The following STK32B variants were observed in gnomAD, a reference collection of about 807,000 sequenced individuals.
The protein encoded by STK32B is serine/threonine-protein kinase 32B.
STK32B carries 43 observed loss-of-function variants against 52.6 expected under a neutral mutation model. The observed-to-expected ratio is 0.82, with a 90% CI of 0.64 to 1.05. The LOEUF is 1.05. Among genes scored for constraint, STK32B ranks in the 50% least tolerant of loss-of-function variants. The pLI, the probability that STK32B is intolerant of heterozygous loss-of-function variation, is 0.00. For missense variants in STK32B, 621 were observed against 534.6 expected (o/e 1.16, Z -1.59); for synonymous variants, 238 against 204.3 (o/e 1.17, Z -1.41).
At chr4:5,259,166 C>G (rs1726537773) in intron 3 of STK32B, among the ~76,000 whole-genome samples, 1 of 152,176 alleles carries the variant, frequency 6.6e-6, no homozygotes, top group Non-Finnish European at 1.5e-5. Context: ...CACACCTCCT[C>G]TATTTTTTTC....
intron 3 of STK32B, among the ~76,000 whole-genome samples, chr4:5,181,358 A>ACACACACG (rs1218026555): frequency 6.8e-6 from 1 of 146,378 alleles, no homozygotes; most frequent in African/African-American, 2.5e-5. Context: ...ACACACACAC[A>ACACACACG]CACACACACA....
upstream of STK32B, among the ~76,000 whole-genome samples, chr4:5,049,001 A>G (rs1741668159): frequency 6.6e-6 from 1 of 152,206 alleles, no homozygotes; most frequent in Non-Finnish European, 1.5e-5. Flanking sequence ...CTCAATACAC[A>G]TGCACGCTGT....
intron 3 of STK32B, among the ~76,000 whole-genome samples, chr4:5,185,148 T>A (rs1012930230): frequency 2.6e-5 from 4 of 152,246 alleles, no homozygotes; most frequent in Non-Finnish European, 5.9e-5. Flanking sequence ...ATTCATGTGT[T>A]CGGACTGCAT....
intron 1 of STK32B, among the ~76,000 whole-genome samples, chr4:5,082,575 C>G (rs964823635): frequency 3.9e-5 from 6 of 152,166 alleles, no homozygotes; most frequent in African/African-American, 1.4e-4. Context: ...TATCTATTGC[C>G]TGCTGGAAAT....
At chr4:5,266,215 T>G (rs1281809798) in intron 3 of STK32B, among the ~76,000 whole-genome samples, 1 of 152,212 alleles carries the variant, frequency 6.6e-6, no homozygotes, top group Non-Finnish European at 1.5e-5. Flanking sequence ...TTCGGACACA[T>G]TTTCTTTGTT....
intron 6 of STK32B, among the ~76,000 whole-genome samples, chr4:5,441,464 T>C (rs951100737): frequency 6.7e-6 from 1 of 150,042 alleles, no homozygotes; most frequent in Non-Finnish European, 1.5e-5. Context: ...CCCTTTATCA[T>C]TTTTTATTGC....
chr4:5,373,412 C>T (rs1291486019), intron 4 of STK32B, among the ~76,000 whole-genome samples: 1 of 151,982 alleles, frequency 6.6e-6, no homozygotes, highest in African/African-American at 2.4e-5. Context: ...AGTTTGAGTC[C>T]GAAGGTAGTA....
chr4:5,377,023 G>A (rs1735630091), intron 4 of STK32B, among the ~76,000 whole-genome samples: 1 of 151,918 alleles, frequency 6.6e-6, no homozygotes, highest in Non-Finnish European at 1.5e-5. Flanking sequence ...GGGTCCGACT[G>A]CTACACCCCT....
intron 2 of STK32B, among the ~76,000 whole-genome samples, chr4:5,163,538 CTGTGTGTGTGTGTGTGTG>C (rs3077842): frequency 8.6e-5 from 12 of 139,440 alleles, no homozygotes; most frequent in African/African-American, 1.6e-4. Flanking sequence ...AGAGTGAAGG[CTGTGTGTGTGTGTGTGTG>C]TGTGTGTGTG....
chr4:5,330,502 G>A (rs1171075383), intron 3 of STK32B, among the ~76,000 whole-genome samples: 1 of 152,170 alleles, frequency 6.6e-6, no homozygotes, highest in East Asian at 1.9e-4. Context: ...ATCATCTCAT[G>A]TTCTGTGGGG....
At chr4:5,142,096 T>G (rs1418214159) in intron 2 of STK32B, among the ~76,000 whole-genome samples, 2 of 152,290 alleles carry the variant, frequency 1.3e-5, no homozygotes, top group South Asian at 2.1e-4. Flanking sequence ...GAGGATAGTT[T>G]GGGTGGGCAC....
intron 1 of STK32B, among the ~76,000 whole-genome samples, chr4:5,079,575 T>C (rs1300620211): frequency 6.6e-6 from 1 of 152,136 alleles, no homozygotes; most frequent in Non-Finnish European, 1.5e-5. Flanking sequence ...AAAACTGAAA[T>C]CTTTATCTTC....
chr4:5,132,134 T>TA (rs1715815141), intron 1 of STK32B, among the ~76,000 whole-genome samples: 2 of 152,200 alleles, frequency 1.3e-5, no homozygotes, highest in African/African-American at 4.8e-5. Context: ...GTAGTATTCC[T>TA]TGGTGTATAT....
At chr4:5,366,509 T>C (rs1416192796) in intron 4 of STK32B, among the ~76,000 whole-genome samples, 1 of 152,142 alleles carries the variant, frequency 6.6e-6, no homozygotes, top group East Asian at 1.9e-4. Context: ...TGAGACAAGA[T>C]AACACAGAAG....
intron 3 of STK32B, among the ~76,000 whole-genome samples, chr4:5,271,474 C>G (rs1409902767): frequency 6.6e-6 from 1 of 151,662 alleles, no homozygotes; most frequent in Non-Finnish European, 1.5e-5. Context: ...TTAGGATTGA[C>G]TTGGCGATGC....
At chr4:5,217,174 C>A (rs1473526962) in intron 3 of STK32B, among the ~76,000 whole-genome samples, 1 of 152,152 alleles carries the variant, frequency 6.6e-6, no homozygotes, top group Non-Finnish European at 1.5e-5. Context: ...TTATACAATA[C>A]ATAATTTGAA....
intron 4 of STK32B, among the ~76,000 whole-genome samples, chr4:5,349,691 A>G (rs1004596110): frequency 2.0e-5 from 3 of 152,312 alleles, no homozygotes; most frequent in Middle Eastern, 3.4e-3. Context: ...TATTGACACT[A>G]AAGTTCAGTG....
chr4:5,429,069 C>T (rs1438073741), intron 6 of STK32B, among the ~76,000 whole-genome samples: 1 of 152,200 alleles, frequency 6.6e-6, no homozygotes, highest in Non-Finnish European at 1.5e-5. Flanking sequence ...AGCAATGAGA[C>T]ATCATCAAAC....
In STK32B at chr4:5,242,011, A is replaced by G. The variant is rs548379385; in HGVS notation, c.260+73561A>G. The stretch of plus-strand genomic sequence containing the variant: ...TTTGGGTTGGTTCCAAGTCTTTGCT[A>G]TTGTGAACAGTGCCACAATAAACAT... On this transcript the variant is annotated intron_variant, in intron 3 of 11. Transcript: ENST00000282908. Among the ~76,000 whole-genome samples the G allele has an allele frequency of 3.5e-4, 54 of 152,254 alleles. No homozygotes were observed. The South Asian group carries it at 8.5e-3, about 24-fold the overall frequency.
Sources: allele counts gnomAD v4.1 joint callset (sites outside exome capture counted in the v4.1 genomes callset), GRCh38; gene constraint gnomAD v4.1.1; transcripts MANE v1.5; gene names NCBI Gene and HGNC (gene_info 2026-07-23, HGNC 2026-07-21).